PNKP: variants seen among roughly 807,000 people sequenced by gnomAD.
PNKP encodes bifunctional polynucleotide phosphatase/kinase.
PNKP carries 82 observed loss-of-function variants against 66.2 expected under a neutral mutation model. The ratio of observed to expected loss-of-function variants is 1.24; its 90% CI spans 1.04 to 1.49. The LOEUF is 1.49. PNKP is among the 40% of genes most tolerant of loss of function. PNKP has a pLI of 0.00. For synonymous variants in PNKP, 412 were observed against 298.9 expected (o/e 1.38, Z -3.90); for missense variants, 907 against 706.8 (o/e 1.28, Z -3.21).
At chr19:49,866,761 C>A in intron 2 of PNKP, 1 of 593,566 alleles carries the variant, frequency 1.7e-6, no homozygotes, top group African/African-American at 1.9e-5. Context: ...CTTTTCTCCA[C>A]AGGATCATTT....
Position 49,864,209 on chromosome 19 carries a change from C to G in PNKP, c.606G>C (p.Lys202Asn), listed in dbSNP as rs767378244. The G allele has an allele frequency of 2.5e-6, 4 of 1,614,064 alleles. No individual in the cohort carries two copies. In the South Asian group the frequency reaches 3.3e-5, roughly 13 times the overall value. ...WRILYPEIPR[K>N]LRELEAEGYK... ...AGCCCTCGGCTTCCAGCTCTCGGAG[C>G]TTACGGGGAATCTCTGGGTACAAGA... Residue 202 changes from lysine (K) to asparagine (N), a missense_variant, in exon 6 of 17, where the codon AAG (lysine) becomes AAC (asparagine). Coordinates refer to ENST00000322344, the MANE Select transcript of PNKP (RefSeq NM_007254.4).
intron 8 of PNKP, chr19:49,862,948 C>T (rs2074789810): frequency 1.5e-6 from 1 of 660,222 alleles, no homozygotes; most frequent in Non-Finnish European, 2.8e-6. Flanking sequence ...TCCAGGTCTC[C>T]CGACTTCACC....
intron 7 of PNKP, 53 bp from the exon 8 acceptor site, chr19:49,863,813 A>G: frequency 6.7e-7 from 1 of 1,495,178 alleles, no homozygotes; most frequent in Non-Finnish European, 9.1e-7. Context: ...CACCTACTGG[A>G]TGCCACCCCA....
intron 10 of PNKP, 32 bp downstream of exon 10, chr19:49,862,500 GTCGGGC>G: frequency 6.3e-7 from 1 of 1,598,998 alleles, no homozygotes; most frequent in Non-Finnish European, 8.5e-7. Flanking sequence ...ACAGGCCAGG[GTCGGGC>G]TCGGGCGCGG....
intron 1 of PNKP, 82 bp downstream of exon 1, chr19:49,867,387 A>G: frequency 3.0e-6 from 2 of 667,388 alleles, no homozygotes; most frequent in South Asian, 3.8e-5. Context: ...CGCGTGCTCC[A>G]TCCCTCCCCG....
rs368832563 is a variant in PNKP, at chr19:49,861,899, CACAA to C, written c.1189-22_1189-19del. The C allele has an allele frequency of 1.7e-3, 2,649 of 1,585,860 alleles. 38 individuals carry two copies. The African/African-American group carries it at 0.031, about 19-fold the overall frequency. ...AGCGTGTCCTGGGGACACGAGAGGT[CACAA>C]ACAGATCGGCAGACCCAGGGGGAGA... On this transcript the variant is annotated intron_variant, in intron 13 of 16. Coordinates refer to ENST00000322344, the MANE Select transcript of PNKP (RefSeq NM_007254.4).
rs2074766117 is a variant in PNKP at position 49,861,739 on chromosome 19, CGCAGGCCACCTACGGCCCCGCG to C, written c.1298+11_1298+32del. The C allele has an allele frequency of 6.4e-7, 1 of 1,554,082 alleles. No homozygotes were observed. Among genetic ancestry groups the C allele is most frequent in the African/African-American group, 1.4e-5 (1 of 73,154 alleles). On this transcript the variant is annotated intron_variant, in intron 14 of 16. Transcript: ENST00000322344. ...GATGTGCAGGCCCCGCCCACCCCGC[CGCAGGCCACCTACGGCCCCGCG>C]GTCACGCTACCTGGCGCGGCTCGCG...
At chr19:49,865,480 C>T (rs1213714934) in intron 3 of PNKP, 54 bp from the exon 4 acceptor site, 2 of 1,355,694 alleles carry the variant, frequency 1.5e-6, no homozygotes, top group South Asian at 1.2e-5. Context: ...CGGGAGCTTC[C>T]TCCAATCAAA....
Position 49,861,925 on chromosome 19 carries a change from G to GA in PNKP, c.1189-45dup, listed in dbSNP as rs759000111. On this transcript the variant is annotated intron_variant, in intron 13 of 16. Transcript: ENST00000322344. ...ACAAACAGATCGGCAGACCCAGGGG[G>GA]AGAGAAGACCCCGAGCGGGGACGGG... 13 of 1,579,394 alleles carry GA rather than the reference G, an allele frequency of 8.2e-6. No individual in the cohort carries two copies. The African/African-American group carries it at 1.8e-4, about 21-fold the overall frequency.
chr19:49,866,427 G>C lies in PNKP; in HGVS notation c.170C>G (p.Pro57Arg). 1 of 1,614,202 alleles carries C rather than the reference G, an allele frequency of 6.2e-7. No homozygotes were observed. Among genetic ancestry groups the C allele is most frequent in the African/African-American group, 1.3e-5 (1 of 75,056 alleles). ...SRTQVELVADPETRTVAVKQL... is the reference protein window; with the variant it reads ...SRTQVELVADRETRTVAVKQL... ...TTTCACTGCCACTGTCCGGGTCTCA[G>C]GATCTGCGACCAGCTCCACTGAGGA... The change falls in exon 3 of 17, where the codon CCT becomes CGT. Residue 57 changes from proline (P) to arginine (R), a missense_variant. Physicochemically the swap from Pro to Arg is moderately radical, Grantham distance 103 (BLOSUM62 -2). Coordinates refer to ENST00000322344, the MANE Select transcript of PNKP (RefSeq NM_007254.4).
chr19:49,863,708 C>T lies in PNKP; in HGVS notation c.797G>A (p.Trp266Ter), dbSNP rs1280189146. 1 of 1,556,410 alleles carries T rather than the reference C, an allele frequency of 6.4e-7. No homozygotes were observed. The highest frequency in any genetic ancestry group is 8.7e-7 in the Non-Finnish European group (1 of 1,149,454). ...ACTCACCTGCTCCTGCAGATGGTCC[C>T]ACATGCCCGTCACCGGCTTCCGGTA... Reference protein sequence around the residue: ...GLYRKPVTGMWDHLQEQANDG... With the variant: ...GLYRKPVTGM The change falls in exon 8 of 17, where the codon TGG becomes TAG. Residue 266 changes from tryptophan (W) to a stop codon, truncating the protein, a stop_gained. Coordinates refer to ENST00000322344, the MANE Select transcript of PNKP (RefSeq NM_007254.4). LOFTEE classifies it high-confidence loss of function.
chr19:49,863,739 C>T lies in PNKP; in HGVS notation c.766G>A (p.Gly256Ser). The T allele has an allele frequency of 6.4e-7, 1 of 1,560,184 alleles. No homozygotes were observed. The highest frequency in any genetic ancestry group is 1.2e-5 in the South Asian group (1 of 84,954). The change falls in exon 8 of 17, where the codon GGC becomes AGC. Residue 256 changes from glycine to serine, a missense_variant. Gly to Ser is a moderately conservative substitution (Grantham distance 56). Coordinates refer to ENST00000322344, the MANE Select transcript of PNKP (RefSeq NM_007254.4). The stretch of plus-strand genomic sequence containing the variant: ...CCCGTCACCGGCTTCCGGTACAAGC[C>T]TGCGTGCGTGGCCACCAGCACCTGT... Reference protein sequence around the residue: ...PFQVLVATHAGLYRKPVTGMW... With the variant: ...PFQVLVATHASLYRKPVTGMW...
intron 1 of PNKP, 24 bp from the exon 2 acceptor site, chr19:49,867,241 G>A (rs747192939): frequency 3.2e-6 from 5 of 1,586,624 alleles, no homozygotes; most frequent in East Asian, 4.6e-5. Flanking sequence ...AAACGGGCTT[G>A]AGCGGCGCAC....
Position 49,867,230 on chromosome 19 carries a change from T to C in PNKP, c.-13-13A>G. The stretch of plus-strand genomic sequence containing the variant: ...CCTGGGTGCCGGCCTGGGGAGCAGG[T>C]AAACGGGCTTGAGCGGCGCACAGCC... On this transcript the variant is annotated splice_polypyrimidine_tract_variant and intron_variant, in intron 1 of 16. Coordinates refer to ENST00000322344, the MANE Select transcript of PNKP (RefSeq NM_007254.4). 1 of 1,600,238 alleles carries C rather than the reference T, an allele frequency of 6.2e-7. No individual in the cohort carries two copies. Among genetic ancestry groups the C allele is most frequent in the Non-Finnish European group, 8.5e-7 (1 of 1,173,886 alleles).
intron 4 of PNKP, 82 bp downstream of exon 4, chr19:49,865,045 C>G: frequency 8.4e-7 from 1 of 1,190,334 alleles, no homozygotes; most frequent in South Asian, 1.3e-5. Flanking sequence ...TAAGTAGAGG[C>G]TAAAAAGTTG....
intron 13 of PNKP, 49 bp downstream of exon 13, chr19:49,861,995 G>C: frequency 2.5e-6 from 4 of 1,605,478 alleles, no homozygotes; most frequent in Non-Finnish European, 3.4e-6. Flanking sequence ...TTGAGAGGTG[G>C]AGATGGGAAC....
rs747464508 is a variant in PNKP, at chr19:49,862,115, G to T, written c.1127-10C>A. 6.8e-6 allele frequency: 11 copies of T among 1,614,142 alleles called. No individual in the cohort carries two copies. Among genetic ancestry groups the T allele is most frequent in the African/African-American group, 1.3e-5 (1 of 75,028 alleles). On this transcript the variant is annotated splice_polypyrimidine_tract_variant and intron_variant, in intron 12 of 16. Coordinates refer to ENST00000322344, the MANE Select transcript of PNKP (RefSeq NM_007254.4). ...AAGGTGGACTTCCCGGCTGTGTGGG[G>T]GGCAGTGTCGGTGGGTGGCCTAGGA...
chr19:49,867,305 TC>T, intron 1 of PNKP, 88 bp from the exon 2 acceptor site: 2 of 1,361,160 alleles, frequency 1.5e-6, no homozygotes, highest in Middle Eastern at 2.6e-4. Flanking sequence ...CTAGAAAGTT[TC>T]CCCACCATTA....
rs1323186225 is a variant in PNKP, at chr19:49,867,142, G to A, written c.63C>T (p.Pro21=). The A allele has an allele frequency of 1.2e-6, 2 of 1,612,340 alleles. No homozygotes were observed. Among genetic ancestry groups the A allele is most frequent in the African/African-American group, 1.3e-5 (1 of 74,946 alleles). The part of the protein sequence containing the change: ...WLESPPGGAP[P]IFLPSDGQAL... Reference sequence around the variant, plus strand: ...CTTGCCCGTCCGAGGGCAGGAAGATGGGGGGCGCTCCCCCAGGGGGGCTCT... The same window carrying A: ...CTTGCCCGTCCGAGGGCAGGAAGATAGGGGGCGCTCCCCCAGGGGGGCTCT... The change falls in exon 2 of 17, where the codon CCC becomes CCT. Residue 21 remains proline (P), a synonymous_variant. Coordinates refer to ENST00000322344, the MANE Select transcript of PNKP (RefSeq NM_007254.4).
Sources: allele counts gnomAD v4.1 joint callset, GRCh38; gene constraint gnomAD v4.1.1; transcripts MANE v1.5; gene names NCBI Gene and HGNC (gene_info 2026-07-23, HGNC 2026-07-21).